Variants in SUGP2 observed in about 807,000 individuals in gnomAD.
SUGP2 encodes the protein SURP and G-patch domain-containing protein 2.
A neutral mutation model predicts 90.5 loss-of-function variants in SUGP2; 24 were observed. That is an observed-to-expected ratio of 0.27 (90% CI 0.19 to 0.37). The LOEUF is 0.37. SUGP2 is among the 10% of genes least tolerant of loss of function. The probability of loss-of-function intolerance (pLI) is 1.00; values close to 1 mark genes in which losing one functional copy is unlikely to be tolerated. For synonymous variants in SUGP2, 473 were observed against 513.4 expected, an observed-to-expected ratio of 0.92 and a Z score of 1.06; for missense variants, 1,233 against 1,363.3, an observed-to-expected ratio of 0.90 and a Z score of 1.51.
intron 4 of SUGP2, 82 bp from the exon 5 acceptor site, chr19:19,010,424 C>G: frequency 6.5e-7 from 1 of 1,537,104 alleles, no homozygotes; most frequent in South Asian, 1.2e-5. Flanking sequence ...CAAACCCTTT[C>G]TAAGTGGCCA....
chr19:18,991,642 C>A lies in SUGP2; in HGVS notation c.*2099G>T, dbSNP rs569968738. The A allele has an allele frequency of 6.6e-6, 1 of 152,244 alleles. No individual in the cohort carries two copies. Among genetic ancestry groups the A allele is most frequent in the Non-Finnish European group, 1.5e-5 (1 of 68,074 alleles). 9.4% of individuals were successfully genotyped at this position (152,244 alleles called of 1,614,324 possible). On this transcript the variant is annotated 3_prime_UTR_variant, in exon 11 of 11. Coordinates refer to ENST00000452918, the MANE Select transcript of SUGP2 (RefSeq NM_001017392.5). ...GGTCAGGGCGATGCTGGAGAGAGTG[C>A]GCTTGATCCACGCTGCAGGTGTGTG...
intron 6 of SUGP2, among the ~76,000 whole-genome samples, chr19:19,007,876 C>G (rs2058148441): frequency 6.6e-6 from 1 of 151,410 alleles, no homozygotes; most frequent in Non-Finnish European, 1.5e-5. Context: ...TCTCATGCCT[C>G]AGCCTCCCAA....
Position 19,001,593 on chromosome 19 carries a change from C to A in SUGP2, c.2991+20G>T. The A allele has an allele frequency of 6.2e-7, 1 of 1,613,442 alleles. No individual in the cohort carries two copies. Among genetic ancestry groups the A allele is most frequent in the Non-Finnish European group, 8.5e-7 (1 of 1,179,332 alleles). ...TAACCAACTATACTTTGAGTGAGGA[C>A]TACCAATGATTACGCTCACCTTCTT... On this transcript the variant is annotated intron_variant, in intron 8 of 10. Transcript: ENST00000452918.
intron 6 of SUGP2, among the ~76,000 whole-genome samples, chr19:19,005,095 G>C (rs934259625): frequency 1.3e-5 from 2 of 152,158 alleles, no homozygotes; most frequent in African/African-American, 4.8e-5. Context: ...CCATGGAACC[G>C]TAAGGTGCCC....
intron 3 of SUGP2, among the ~76,000 whole-genome samples, chr19:19,021,596 C>T (rs1599539658): frequency 6.6e-6 from 1 of 152,058 alleles, no homozygotes; most frequent in African/African-American, 2.4e-5. Flanking sequence ...GAGAATGTAC[C>T]CTTTCAAGGA....
chr19:18,995,303 G>A, intron 8 of SUGP2, 23 bp from the exon 9 acceptor site: 6 of 1,579,008 alleles, frequency 3.8e-6, no homozygotes, highest in Admixed American at 1.8e-5. Context: ...GAGAGTCCAG[G>A]CATGTGGGCC....
intron 4 of SUGP2, among the ~76,000 whole-genome samples, chr19:19,017,294 GGT>G (rs1318640413): frequency 6.6e-6 from 1 of 152,200 alleles, no homozygotes; most frequent in Non-Finnish European, 1.5e-5. Context: ...AAACATCAAT[GGT>G]CTCCATCAGG....
At position 19,024,631 on chromosome 19, in the gene SUGP2, T is replaced by G; in HGVS notation, c.1717A>C (p.Ser573Arg). 1 of 1,612,002 alleles carries G rather than the reference T, an allele frequency of 6.2e-7. No homozygotes were observed. The highest frequency in any genetic ancestry group is 8.5e-7 in the Non-Finnish European group (1 of 1,178,814). ...KPEIQAKAPS[S>R]LSDAVPQRAD... ...CTGATTTCCTTACCATCACTCAGACTACTTGGAGCCTTGGCCTGAATTTCA... is the reference window on the plus strand; with the variant it reads ...CTGATTTCCTTACCATCACTCAGACGACTTGGAGCCTTGGCCTGAATTTCA... Residue 573 changes from serine (S) to arginine (R), a missense_variant, in exon 3 of 11, where the codon AGT (serine) becomes CGT (arginine). Around this residue, in one of 8 missense-constraint regions of SUGP2, gnomAD observed 540 missense variants for 542.6 expected, o/e 1.00. Transcript: ENST00000452918.
chr19:19,029,151 T>C (rs1375624439), intron 2 of SUGP2, among the ~76,000 whole-genome samples: 1 of 147,618 alleles, frequency 6.8e-6, no homozygotes, highest in African/African-American at 2.4e-5. Flanking sequence ...GATAAATTTT[T>C]TTTTTTTTGA....
chr19:19,010,003 T>C lies in SUGP2; in HGVS notation c.2190A>G (p.Arg730=), dbSNP rs775887342. ...LSQAKPSLPD[R]NDAAKDCPPD... ...GCGGGCAGTCCTTGGCAGCATCATT[T>C]CTGTCTGGCAGGGATGGTTTTGCCT... Residue 730 remains arginine, a synonymous_variant, in exon 5 of 11, where the codon AGA becomes AGG. Coordinates refer to ENST00000452918, the MANE Select transcript of SUGP2 (RefSeq NM_001017392.5). The C allele has an allele frequency of 6.2e-7, 1 of 1,614,010 alleles. No homozygotes were observed. Among genetic ancestry groups the C allele is most frequent in the Non-Finnish European group, 8.5e-7 (1 of 1,180,016 alleles).
chr19:19,000,928 C>T (rs1366036388), intron 8 of SUGP2, among the ~76,000 whole-genome samples: 3 of 151,942 alleles, frequency 2.0e-5, no homozygotes, highest in East Asian at 1.9e-4. Context: ...TGGTCTTAAA[C>T]TCTTGGACTC....
At chr19:19,015,931 T>A (rs2058484121) in intron 4 of SUGP2, among the ~76,000 whole-genome samples, 1 of 152,238 alleles carries the variant, frequency 6.6e-6, no homozygotes, top group Admixed American at 6.5e-5. Context: ...ATTTTTCATT[T>A]CCAAGATCCT....
chr19:19,007,992 C>T (rs796542858), intron 6 of SUGP2, among the ~76,000 whole-genome samples: 5 of 152,068 alleles, frequency 3.3e-5, no homozygotes, highest in African/African-American at 4.8e-5. Flanking sequence ...CTCCTGAACT[C>T]GGGTGATTAG....
At chr19:19,020,186 T>C (rs1014893691) in intron 3 of SUGP2, among the ~76,000 whole-genome samples, 2 of 151,828 alleles carry the variant, frequency 1.3e-5, no homozygotes, top group Non-Finnish European at 2.9e-5. Context: ...TCCCAGCACT[T>C]TGGAAGGCCA....
intron 2 of SUGP2, among the ~76,000 whole-genome samples, chr19:19,029,287 G>A (rs1405151337): frequency 6.9e-6 from 1 of 145,958 alleles, no homozygotes. Flanking sequence ...GACTACAGGC[G>A]CCCGCCACCA....
At chr19:19,027,475 C>T (rs1363374245) in intron 2 of SUGP2, among the ~76,000 whole-genome samples, 1 of 152,224 alleles carries the variant, frequency 6.6e-6, no homozygotes, top group Non-Finnish European at 1.5e-5. Flanking sequence ...AAAATGAGAA[C>T]TCTTCCAAAC....
At chr19:19,019,668 T>C (rs1053865389) in intron 3 of SUGP2, among the ~76,000 whole-genome samples, 6 of 151,438 alleles carry the variant, frequency 4.0e-5, no homozygotes, top group Non-Finnish European at 5.9e-5. Flanking sequence ...TATGGATACA[T>C]AGAAAGAAGA....
At chr19:18,995,571 C>CA (rs1048714851) in intron 8 of SUGP2, among the ~76,000 whole-genome samples, 32 of 152,300 alleles carry the variant, frequency 2.1e-4, no homozygotes, top group African/African-American at 6.0e-4. Context: ...GTCCCGGGGT[C>CA]AAGGAGTCAG....
At position 19,025,880 on chromosome 19, in the gene SUGP2, G is replaced by A. The variant is rs918545579; in HGVS notation, c.468C>T (p.Ser156=). Residue 156 remains serine (S), a synonymous_variant, in exon 3 of 11, where the codon TCC becomes TCT. Transcript: ENST00000452918. ...CAAAACTATACTCCTGTGACCAAGA[G>A]GACTCTTGAGAAACTGGATGGCCAA... ...QDFGHPVSQE[S]SWSQEYSFGP... 1.2e-6 allele frequency: 2 copies of A among 1,614,136 alleles called. No homozygotes were observed. Among genetic ancestry groups the A allele is most frequent in the Non-Finnish European group, 1.7e-6 (2 of 1,180,030 alleles).
Sources: allele counts gnomAD v4.1 joint callset (sites outside exome capture counted in the v4.1 genomes callset), GRCh38; gene constraint gnomAD v4.1.1; regional missense constraint gnomAD v4.1.1; transcripts MANE v1.5; gene names NCBI Gene and HGNC (gene_info 2026-07-23, HGNC 2026-07-21).